ME3: variants seen among roughly 807,000 people sequenced by gnomAD.
The protein encoded by ME3 is malic enzyme 3.
A neutral mutation model predicts 68.9 loss-of-function variants in ME3; 48 were observed. The ratio of observed to expected loss-of-function variants is 0.70; its 90% confidence interval spans 0.55 to 0.89. The LOEUF (loss-of-function observed/expected upper bound fraction) is 0.89, where lower values mean the gene tolerates loss of function less well. ME3 is among the 40% of genes least tolerant of loss of function. ME3 has a pLI of 0.00. For missense variants in ME3, 675 were observed against 797.4 expected, an observed-to-expected ratio of 0.85 and a Z score of 1.85; for synonymous variants, 320 against 318.8, an observed-to-expected ratio of 1.00 and a Z score of -0.04.
At chr11:86,476,078 G>C (rs1439839009) in intron 7 of ME3, among the ~76,000 whole-genome samples, 2 of 152,040 alleles carry the variant, frequency 1.3e-5, no homozygotes, top group African/African-American at 4.8e-5. Context: ...TATGCCTAGG[G>C]ATTTTTCTTT....
chr11:86,586,732 T>C (rs568530791), intron 2 of ME3, among the ~76,000 whole-genome samples: 1 of 151,972 alleles, frequency 6.6e-6, no homozygotes, highest in South Asian at 2.1e-4. Flanking sequence ...AATAAAAGGA[T>C]GGGGGAAAAC....
At chr11:86,592,214 A>G (rs929630066) in intron 2 of ME3, among the ~76,000 whole-genome samples, 27 of 152,164 alleles carry the variant, frequency 1.8e-4, no homozygotes, top group African/African-American at 5.1e-4. Flanking sequence ...TGGGAATTCA[A>G]TCACTTGAAC....
At chr11:86,659,002 A>G (rs1417610343) in intron 2 of ME3, among the ~76,000 whole-genome samples, 2 of 152,218 alleles carry the variant, frequency 1.3e-5, no homozygotes, top group Non-Finnish European at 2.9e-5. Flanking sequence ...ACTGCCTAGA[A>G]TAGACCAAAA....
chr11:86,442,758 G>A lies in ME3; in HGVS notation c.1653+63C>T. 2.2e-6 allele frequency: 3 copies of A among 1,391,430 alleles called. No individual in the cohort carries two copies. In the South Asian group the frequency reaches 3.7e-5, roughly 17 times the overall value. 86.2% of individuals were successfully genotyped at this position (1,391,430 alleles called of 1,614,324 possible). A position where few individuals can be genotyped will look rare whatever the true frequency, so the allele number is the denominator to read the frequency against. On this transcript the variant is annotated intron_variant, in intron 14 of 14. Coordinates refer to ENST00000543262, the Ensembl canonical transcript of ME3. Reference sequence around the variant, plus strand: ...TTTCCATCCCCTTAACCCTCCTAAAGTCACAGACAGAGAAAGTGGTTGAGC... The same window carrying A: ...TTTCCATCCCCTTAACCCTCCTAAAATCACAGACAGAGAAAGTGGTTGAGC...
At chr11:86,564,064 C>A (rs1957362758) in intron 2 of ME3, among the ~76,000 whole-genome samples, 1 of 152,124 alleles carries the variant, frequency 6.6e-6, no homozygotes, top group African/African-American at 2.4e-5. Context: ...AACATTGATT[C>A]TTCCAATCCA....
chr11:86,562,753 G>A (rs376804811), intron 2 of ME3, among the ~76,000 whole-genome samples: 1 of 151,880 alleles, frequency 6.6e-6, no homozygotes, highest in African/African-American at 2.4e-5. Context: ...GAGGTTTAGG[G>A]CAGAGATCCC....
At chr11:86,462,688 A>T in intron 8 of ME3, 1 of 872,006 alleles carries the variant, frequency 1.1e-6, no homozygotes, top group Non-Finnish European at 1.6e-6. Flanking sequence ...CTGGGGAACA[A>T]GAATGGATAA....
At position 86,571,357 on chromosome 11, in the gene ME3, C is replaced by A. The variant is rs376047923; in HGVS notation, c.184-11534G>T. 9.8e-5 allele frequency among the ~76,000 whole-genome samples: 15 copies of A among 152,326 alleles called. No homozygotes were observed. The East Asian group carries it at 2.9e-3, about 29-fold the overall frequency. On this transcript the variant is annotated intron_variant, in intron 2 of 14. Coordinates refer to ENST00000543262, the Ensembl canonical transcript of ME3. ...AGCAATGGAAAGATATAGAAGGTTC[C>A]AGTTCTCTGTAGGCTCTAGGTGAGC...
chr11:86,530,329 C>A (rs1402855997), intron 4 of ME3, among the ~76,000 whole-genome samples: 1 of 152,136 alleles, frequency 6.6e-6, no homozygotes, highest in Non-Finnish European at 1.5e-5. Flanking sequence ...CTACAAACCA[C>A]TGCTCAATGA....
At chr11:86,592,229 A>G (rs1302353608) in intron 2 of ME3, among the ~76,000 whole-genome samples, 1 of 152,218 alleles carries the variant, frequency 6.6e-6, no homozygotes, top group Non-Finnish European at 1.5e-5. Context: ...TTGAACAAGA[A>G]TGTCCCTGGG....
intron 2 of ME3, among the ~76,000 whole-genome samples, chr11:86,654,478 A>G (rs1945711217): frequency 6.6e-6 from 1 of 152,234 alleles, no homozygotes; most frequent in Non-Finnish European, 1.5e-5. Context: ...GCATATAAAC[A>G]GAACCAGTGA....
intron 4 of ME3, among the ~76,000 whole-genome samples, chr11:86,544,088 A>G (rs1956218904): frequency 6.6e-6 from 1 of 152,126 alleles, no homozygotes; most frequent in Non-Finnish European, 1.5e-5. Context: ...GCAGAAATAA[A>G]TAAGTTCTTT....
intron 2 of ME3, among the ~76,000 whole-genome samples, chr11:86,597,793 G>A (rs1959778178): frequency 6.6e-6 from 1 of 151,982 alleles, no homozygotes; most frequent in South Asian, 2.1e-4. Context: ...GGTACAGCTT[G>A]GTTTTATACA....
At chr11:86,457,355 G>T in intron 8 of ME3, 1 of 243,614 alleles carries the variant, frequency 4.1e-6, no homozygotes, top group Non-Finnish European at 6.9e-6. Flanking sequence ...CCAATCAAAT[G>T]ACTGACCCAC....
chr11:86,672,086 A>C, intron 1 of ME3, 128 bp from the exon 2 acceptor site: 1 of 773,132 alleles, frequency 1.3e-6, no homozygotes, highest in African/African-American at 1.8e-5. Flanking sequence ...CAAAGGGTTA[A>C]ATGTTCCAGC....
At chr11:86,556,381 T>C (rs573055128) in intron 4 of ME3, among the ~76,000 whole-genome samples, 172 bp downstream of exon 4, 1 of 151,072 alleles carries the variant, frequency 6.6e-6, no homozygotes, top group East Asian at 1.9e-4. Context: ...CTCATTTCTC[T>C]GCTTACGGGG....
intron 2 of ME3, among the ~76,000 whole-genome samples, chr11:86,647,945 C>T (rs1028952375): frequency 6.6e-6 from 1 of 152,206 alleles, no homozygotes; most frequent in African/African-American, 2.4e-5. Flanking sequence ...CCCAAATCAA[C>T]AGAATATACA....
intron 9 of ME3, 81 bp from the exon 10 acceptor site, chr11:86,450,083 C>A: frequency 8.2e-7 from 1 of 1,222,698 alleles, no homozygotes; most frequent in Admixed American, 2.0e-5. Context: ...CCATAAGGAC[C>A]CCCTTTTCTT....
intron 2 of ME3, among the ~76,000 whole-genome samples, chr11:86,582,734 C>T (rs114695183): frequency 1.6e-3 from 236 of 151,954 alleles, no homozygotes; most frequent in African/African-American, 5.6e-3. Context: ...AGCACTGGTC[C>T]GACACTGTTG....
Sources: gnomAD v4.1 joint callset for allele counts (sites outside exome capture counted in the v4.1 genomes callset) on GRCh38, gnomAD v4.1.1 for gene constraint, MANE v1.5 for transcripts, NCBI Gene and HGNC (gene_info 2026-07-23, HGNC 2026-07-21) for gene names.